MKX: variants seen among roughly 807,000 people sequenced by gnomAD.
MKX encodes the protein mohawk homeobox, also known as homeobox protein Mohawk.
A neutral mutation model predicts 36.0 loss-of-function variants in MKX; 13 were observed. That is an observed-to-expected ratio of 0.36 (90% CI 0.24 to 0.57). MKX has a LOEUF of 0.57. Ranked by LOEUF, MKX falls within the 20% of genes least tolerant of loss-of-function variation. The probability of loss-of-function intolerance (pLI) is 0.79; values close to 1 mark genes in which losing one functional copy is unlikely to be tolerated. For synonymous variants in MKX, 176 were observed against 178.3 expected (o/e 0.99, Z 0.10); for missense variants, 458 against 456.4 (o/e 1.00, Z -0.03).
intron 5 of MKX, among the ~76,000 whole-genome samples, chr10:27,733,297 A>G (rs1252293414): frequency 6.6e-6 from 1 of 152,204 alleles, no homozygotes; most frequent in Non-Finnish European, 1.5e-5. Context: ...TGGTGAAATG[A>G]TCTAAAGGGT....
At chr10:27,729,859 G>A (rs1834585412) in intron 5 of MKX, among the ~76,000 whole-genome samples, 1 of 151,852 alleles carries the variant, frequency 6.6e-6, no homozygotes, top group South Asian at 2.1e-4. Flanking sequence ...ACTCTGTAAG[G>A]CGGCAAAAAC....
intron 5 of MKX, among the ~76,000 whole-genome samples, chr10:27,680,383 A>AAAAAAAAAAAAAAAAAAAAAG (rs1554768913): frequency 7.0e-6 from 1 of 143,110 alleles, no homozygotes; most frequent in Non-Finnish European, 1.5e-5. Context: ...AAAAAAAAAA[A>AAAAAAAAAAAAAAAAAAAAAG]AGGTGTGTAG....
At chr10:27,725,890 A>G (rs922101203) in intron 5 of MKX, among the ~76,000 whole-genome samples, 5 of 152,150 alleles carry the variant, frequency 3.3e-5, no homozygotes, top group East Asian at 1.9e-4. Context: ...TTCCTTATAC[A>G]TAGGAGAAGA....
chr10:27,686,928 C>T (rs943133530), intron 5 of MKX, among the ~76,000 whole-genome samples: 7 of 152,174 alleles, frequency 4.6e-5, no homozygotes, highest in Non-Finnish European at 5.9e-5. Flanking sequence ...AGGGTCCTCA[C>T]CTTCAACTGC....
intron 3 of MKX, among the ~76,000 whole-genome samples, chr10:27,736,885 T>A (rs568986981): frequency 3.9e-5 from 6 of 152,282 alleles, no homozygotes; most frequent in Admixed American, 1.3e-4. Flanking sequence ...ACTGTGGCAT[T>A]TCAGAAGTCA....
intron 5 of MKX, among the ~76,000 whole-genome samples, chr10:27,730,357 C>T (rs1834596650): frequency 6.6e-6 from 1 of 151,948 alleles, no homozygotes; most frequent in Admixed American, 6.6e-5. Context: ...ATTAGGATTA[C>T]TACTTTATAA....
At chr10:27,733,727 A>T (rs1022728380) in intron 5 of MKX, among the ~76,000 whole-genome samples, 1 of 152,252 alleles carries the variant, frequency 6.6e-6, no homozygotes, top group African/African-American at 2.4e-5. Flanking sequence ...TACACTTCTT[A>T]AGAGCAAACC....
rs1250448608 is a variant in MKX at position 27,674,591 on chromosome 10, T to C, written c.*638A>G. On this transcript the variant is annotated 3_prime_UTR_variant, in exon 7 of 7. Transcript: ENST00000419761. ...CCATGTGTTCAATGAAATTTTAAAT[T>C]AGCTTGAAGGAATCACTTCTTAAAT... 1 of 152,312 alleles carries C rather than the reference T, an allele frequency of 6.6e-6. No individual in the cohort carries two copies. Among genetic ancestry groups the C allele is most frequent in the Non-Finnish European group, 1.5e-5 (1 of 68,030 alleles). 9.4% of individuals were successfully genotyped at this position (152,312 alleles called of 1,614,324 possible).
intron 5 of MKX, among the ~76,000 whole-genome samples, chr10:27,714,009 CAAAAAAAA>C (rs10632508): frequency 9.8e-6 from 1 of 102,528 alleles, no homozygotes; most frequent in Non-Finnish European, 2.1e-5. Flanking sequence ...GTGCAAAGAC[CAAAAAAAA>C]AAAAAAAAAA....
intron 5 of MKX, among the ~76,000 whole-genome samples, chr10:27,711,208 G>A (rs1365624863): frequency 6.6e-6 from 1 of 152,130 alleles, no homozygotes; most frequent in Non-Finnish European, 1.5e-5. Flanking sequence ...CCAACAAGAA[G>A]AGAAGCTTCA....
intron 5 of MKX, among the ~76,000 whole-genome samples, chr10:27,677,332 T>G (rs941799287): frequency 3.9e-5 from 6 of 152,112 alleles, no homozygotes; most frequent in African/African-American, 1.4e-4. Context: ...CCAATATTTC[T>G]CACAATTTCT....
At chr10:27,683,014 A>G (rs567547507) in intron 5 of MKX, among the ~76,000 whole-genome samples, 1 of 152,148 alleles carries the variant, frequency 6.6e-6, no homozygotes, top group African/African-American at 2.4e-5. Context: ...AAAGAAAAGA[A>G]AAAGAAGCGC....
At chr10:27,689,242 T>C (rs543839703) in intron 5 of MKX, among the ~76,000 whole-genome samples, 1 of 152,314 alleles carries the variant, frequency 6.6e-6, no homozygotes, top group South Asian at 2.1e-4. Context: ...TCTTGGCTCT[T>C]CACAAGAGCG....
intron 5 of MKX, among the ~76,000 whole-genome samples, chr10:27,726,330 A>C (rs760409573): frequency 7.2e-5 from 11 of 152,182 alleles, no homozygotes; most frequent in Non-Finnish European, 1.0e-4. Flanking sequence ...CATTCTTAAA[A>C]AGTCACAACT....
At chr10:27,729,314 G>A (rs1834568671) in intron 5 of MKX, among the ~76,000 whole-genome samples, 1 of 88,200 alleles carries the variant, frequency 1.1e-5, no homozygotes, top group Admixed American at 1.6e-4. Context: ...TTTTTTTTGA[G>A]ACAGAGTCTC....
At chr10:27,678,718 T>C (rs920448751) in intron 5 of MKX, among the ~76,000 whole-genome samples, 15 of 152,230 alleles carry the variant, frequency 9.9e-5, no homozygotes, top group Admixed American at 7.2e-4. Context: ...AGAGCTTCTA[T>C]TTAAGATGAG....
At chr10:27,684,935 T>C (rs1836316472) in intron 5 of MKX, among the ~76,000 whole-genome samples, 1 of 152,252 alleles carries the variant, frequency 6.6e-6, no homozygotes, top group South Asian at 2.1e-4. Flanking sequence ...AATCTAATGC[T>C]GCTGTTAATA....
intron 5 of MKX, among the ~76,000 whole-genome samples, chr10:27,713,909 T>C (rs894551486): frequency 6.6e-6 from 1 of 151,874 alleles, no homozygotes; most frequent in Non-Finnish European, 1.5e-5. Context: ...CATTTGGAGT[T>C]TCACTGTGTT....
intron 3 of MKX, among the ~76,000 whole-genome samples, chr10:27,737,018 A>G (rs1834793915): frequency 6.6e-6 from 1 of 152,136 alleles, no homozygotes; most frequent in Non-Finnish European, 1.5e-5. Context: ...TGACTATTGT[A>G]CTTTAGCCAT....
Sources: allele counts gnomAD v4.1 joint callset (sites outside exome capture counted in the v4.1 genomes callset), GRCh38; gene constraint gnomAD v4.1.1; transcripts MANE v1.5; gene names NCBI Gene and HGNC (gene_info 2026-07-23, HGNC 2026-07-21).